Variants in PTPRO observed in about 807,000 individuals in gnomAD.
PTPRO encodes protein tyrosine phosphatase receptor type O, also known as receptor-type tyrosine-protein phosphatase O.
PTPRO carries 62 observed loss-of-function variants against 145.2 expected under a neutral mutation model. The observed-to-expected ratio is 0.43, with a 90% CI of 0.35 to 0.53. The LOEUF is 0.53. Among genes scored for constraint, PTPRO ranks in the 20% least tolerant of loss-of-function variants. The pLI, the probability that PTPRO is intolerant of heterozygous loss-of-function variation, is 0.01. For missense variants in PTPRO, 1,345 were observed against 1,482.7 expected (o/e 0.91, Z 1.53); for synonymous variants, 565 against 514.7 (o/e 1.10, Z -1.32).
chr12:15,460,258 G>T (rs1272667320), intron 1 of PTPRO, among the ~76,000 whole-genome samples: 1 of 152,146 alleles, frequency 6.6e-6, no homozygotes, highest in Non-Finnish European at 1.5e-5. Flanking sequence ...TGTGTCTTGT[G>T]GATCAGCAGC....
chr12:15,373,128 C>T (rs1938580735), intron 1 of PTPRO, among the ~76,000 whole-genome samples: 1 of 152,146 alleles, frequency 6.6e-6, no homozygotes, highest in Non-Finnish European at 1.5e-5. Context: ...CGATGAGATG[C>T]TGTTACCATA....
chr12:15,497,605 T>C (rs1025876669), intron 3 of PTPRO, among the ~76,000 whole-genome samples: 3 of 152,248 alleles, frequency 2.0e-5, no homozygotes, highest in Admixed American at 6.5e-5. Flanking sequence ...GAGAGTCGTG[T>C]GTCATGTGTT....
intron 1 of PTPRO, among the ~76,000 whole-genome samples, chr12:15,452,555 A>G (rs1565637851): frequency 2.0e-5 from 3 of 152,174 alleles, no homozygotes; most frequent in Non-Finnish European, 2.9e-5. Context: ...CAAGAAAACT[A>G]CAGACCAGTA....
chr12:15,470,632 G>C (rs1941517400), intron 1 of PTPRO, among the ~76,000 whole-genome samples: 1 of 152,156 alleles, frequency 6.6e-6, no homozygotes, highest in Non-Finnish European at 1.5e-5. Flanking sequence ...GGAAATAATT[G>C]CTGCATTATT....
intron 1 of PTPRO, among the ~76,000 whole-genome samples, chr12:15,453,855 T>A (rs1346572220): frequency 6.6e-6 from 1 of 152,248 alleles, no homozygotes; most frequent in Admixed American, 6.5e-5. Context: ...ACTGGCTTAT[T>A]TCACTTAGCA....
chr12:15,529,382 G>A (rs773727762), intron 12 of PTPRO, among the ~76,000 whole-genome samples: 1 of 151,784 alleles, frequency 6.6e-6, no homozygotes, highest in Admixed American at 6.6e-5. Flanking sequence ...GGCCAGGCAT[G>A]GTGGCTCATG....
intron 25 of PTPRO, among the ~76,000 whole-genome samples, chr12:15,593,648 A>G (rs1565452123): frequency 2.0e-5 from 3 of 152,216 alleles, no homozygotes; most frequent in Admixed American, 1.3e-4. Context: ...CATTAAAGAT[A>G]CACTATTGCA....
intron 12 of PTPRO, 147 bp downstream of exon 12, chr12:15,526,409 G>A: frequency 9.1e-7 from 1 of 1,100,406 alleles, no homozygotes; most frequent in Non-Finnish European, 1.3e-6. Context: ...ACTAGCAAAA[G>A]GGTATGTTCA....
At chr12:15,353,752 T>C (rs143810149) in intron 1 of PTPRO, among the ~76,000 whole-genome samples, 21 of 152,306 alleles carry the variant, frequency 1.4e-4, no homozygotes, top group African/African-American at 5.1e-4. Flanking sequence ...TTCCAAAAAA[T>C]TGTTGCCATG....
Position 15,508,620 on chromosome 12 carries a change from G to A in PTPRO, c.1317G>A (p.Val439=), listed in dbSNP as rs368314262. The A allele has an allele frequency of 4.3e-6, 7 of 1,613,976 alleles. No individual in the cohort carries two copies. Among genetic ancestry groups the A allele is most frequent in the Non-Finnish European group, 5.9e-6 (7 of 1,180,020 alleles). The change falls in exon 7 of 27, where the codon GTG becomes GTA. Residue 439 remains valine (V), a synonymous_variant. Coordinates refer to ENST00000281171, the MANE Select transcript of PTPRO (RefSeq NM_030667.3). ...AACTGACCGAGAAGCCGCAGCACGT[G>A]AGTGTCCACGTTTTAAGCTCAACCA... ...IEELTEKPQH[V]SVHVLSSTTA...
intron 1 of PTPRO, among the ~76,000 whole-genome samples, chr12:15,475,377 C>A (rs1205336837): frequency 6.6e-6 from 1 of 152,118 alleles, no homozygotes; most frequent in Non-Finnish European, 1.5e-5. Flanking sequence ...CAGACTTTCC[C>A]ATTATGCACC....
intron 1 of PTPRO, among the ~76,000 whole-genome samples, chr12:15,442,035 A>G (rs1940781535): frequency 6.6e-6 from 1 of 152,178 alleles, no homozygotes; most frequent in African/African-American, 2.4e-5. Flanking sequence ...AACCTGGCAA[A>G]GACACAATGA....
intron 15 of PTPRO, among the ~76,000 whole-genome samples, chr12:15,556,609 CTCTTTTATTCTAA>C (rs1565426415): frequency 3.3e-5 from 5 of 151,978 alleles, no homozygotes. Flanking sequence ...ATACATTCCA[CTCTTTTATTCTAA>C]TCTCCAGTGA....
intron 1 of PTPRO, among the ~76,000 whole-genome samples, chr12:15,430,201 T>C (rs1381034): frequency 0.73 from 110,788 of 150,850 alleles, 40,667 homozygotes; most frequent in East Asian, 0.78. Flanking sequence ...CAGAGAGGAG[T>C]CCCTACAGAG....
intron 12 of PTPRO, among the ~76,000 whole-genome samples, chr12:15,535,005 C>A (rs1461052145): frequency 1.3e-5 from 2 of 152,110 alleles, no homozygotes; most frequent in Non-Finnish European, 2.9e-5. Flanking sequence ...GTCCACAGAA[C>A]TTTCTGATAC....
At chr12:15,390,848 A>G (rs1240225017) in intron 1 of PTPRO, among the ~76,000 whole-genome samples, 2 of 152,180 alleles carry the variant, frequency 1.3e-5, no homozygotes, top group Non-Finnish European at 2.9e-5. Context: ...AGACTGAGTG[A>G]TTTAAACAAC....
chr12:15,510,304 C>T (rs75127706), intron 7 of PTPRO, among the ~76,000 whole-genome samples: 4,467 of 152,212 alleles, frequency 0.029, 95 homozygotes, highest in African/African-American at 0.063. Flanking sequence ...TATGCTAAAC[C>T]GATTAACTAG....
In PTPRO at chr12:15,587,095, T is replaced by G. The variant is rs368174821; in HGVS notation, c.3410+44T>G. 7 of 1,608,964 alleles carry G rather than the reference T, an allele frequency of 4.4e-6. No homozygotes were observed. In the African/African-American group the frequency reaches 9.4e-5, roughly 22 times the overall value. Reference sequence around the variant, plus strand: ...TTTTCTATTAAATATTAGGAGTTGGTTTTGTAAGGGGAACAGCTCACCATT... The same window carrying G: ...TTTTCTATTAAATATTAGGAGTTGGGTTTGTAAGGGGAACAGCTCACCATT... On this transcript the variant is annotated intron_variant, in intron 24 of 26. Coordinates refer to ENST00000281171, the MANE Select transcript of PTPRO (RefSeq NM_030667.3).
At chr12:15,458,547 G>A (rs1178014819) in intron 1 of PTPRO, among the ~76,000 whole-genome samples, 1 of 149,900 alleles carries the variant, frequency 6.7e-6, no homozygotes, top group Non-Finnish European at 1.5e-5. Context: ...TTTTCTTTTT[G>A]TTCCTCTAAC....
Sources: allele counts gnomAD v4.1 joint callset (sites outside exome capture counted in the v4.1 genomes callset), GRCh38; gene constraint gnomAD v4.1.1; transcripts MANE v1.5; gene names NCBI Gene and HGNC (gene_info 2026-07-23, HGNC 2026-07-21).